Variants in SH3KBP1 observed in about 807,000 individuals in gnomAD.
SH3KBP1 encodes the protein SH3 domain-containing kinase-binding protein 1.
SH3KBP1 carries 8 observed loss-of-function variants against 50.1 expected under a neutral mutation model. The ratio of observed to expected loss-of-function variants is 0.16; its 90% CI spans 0.09 to 0.29. The LOEUF is 0.29. SH3KBP1 is among the 10% of genes least tolerant of loss of function. SH3KBP1 has a pLI of 1.00. For missense variants in SH3KBP1, 377 were observed against 535.2 expected (o/e 0.70, Z 2.92); for synonymous variants, 227 against 218.6 (o/e 1.04, Z -0.34).
chrX:19,576,406 C>G (rs2066200284), intron 12 of SH3KBP1, among the ~76,000 whole-genome samples: 1 of 111,008 alleles, frequency 9.0e-6, no homozygotes, highest in Non-Finnish European at 1.9e-5. Context: ...TACTGAATGC[C>G]TACCATGTGC....
At chrX:19,697,849 A>G (rs1036220517) in intron 4 of SH3KBP1, among the ~76,000 whole-genome samples, 5 of 112,118 alleles carry the variant, frequency 4.5e-5, no homozygotes, top group African/African-American at 1.6e-4. Flanking sequence ...ATAAGTTTAG[A>G]GCATTTATAA....
intron 2 of SH3KBP1, among the ~76,000 whole-genome samples, chrX:19,770,704 TA>T (rs1262026569): frequency 3.6e-5 from 4 of 109,798 alleles, no homozygotes; most frequent in African/African-American, 1.3e-4. Context: ...ACCAGCATGT[TA>T]TTTTTTTTTT....
chrX:19,781,684 G>A (rs1030969001), intron 2 of SH3KBP1, among the ~76,000 whole-genome samples: 1 of 110,336 alleles, frequency 9.1e-6, no homozygotes, highest in South Asian at 3.9e-4. Flanking sequence ...GCAGACAGCA[G>A]GCAGTGAAGC....
chrX:19,600,095 C>CAAAA (rs1218369399), intron 9 of SH3KBP1, among the ~76,000 whole-genome samples: 13 of 27,388 alleles, frequency 4.7e-4, no homozygotes, highest in African/African-American at 1.1e-3. Context: ...GACTCCGTCT[C>CAAAA]AAAAAAAAAA....
At chrX:19,760,085 GAC>G (rs752186611) in intron 2 of SH3KBP1, among the ~76,000 whole-genome samples, 9 of 39,877 alleles carry the variant, frequency 2.3e-4, no homozygotes, top group Admixed American at 5.3e-4. Flanking sequence ...TCTCTCTCTC[GAC>G]ACACACACAC....
At chrX:19,609,062 C>T (rs984939603) in intron 8 of SH3KBP1, among the ~76,000 whole-genome samples, 6 of 112,889 alleles carry the variant, frequency 5.3e-5, no homozygotes, top group Admixed American at 9.3e-5. Context: ...GAAAGGACAA[C>T]GAGCAAAAAT....
intron 1 of SH3KBP1, among the ~76,000 whole-genome samples, chrX:19,858,962 G>A (rs746907010): frequency 8.9e-6 from 1 of 111,766 alleles, no homozygotes; most frequent in Non-Finnish European, 1.9e-5. Context: ...TTTCCAACTG[G>A]AAAGGGACAA....
chrX:19,596,767 G>A (rs1004407284), intron 9 of SH3KBP1, among the ~76,000 whole-genome samples: 8 of 111,905 alleles, frequency 7.1e-5, no homozygotes, highest in Admixed American at 3.8e-4. Flanking sequence ...CACTGTCTTC[G>A]CTCATCCATA....
chrX:19,651,906 T>C (rs753973556), intron 6 of SH3KBP1, among the ~76,000 whole-genome samples: 10 of 112,176 alleles, frequency 8.9e-5, no homozygotes, highest in Non-Finnish European at 1.9e-4. Context: ...ACTACCTTTC[T>C]TGCCCTTTTC....
At chrX:19,816,831 A>T (rs1246456533) in intron 2 of SH3KBP1, among the ~76,000 whole-genome samples, 2 of 111,525 alleles carry the variant, frequency 1.8e-5, no homozygotes, top group Non-Finnish European at 3.8e-5. Flanking sequence ...TATGATATCT[A>T]AGAACTCTTC....
intron 3 of SH3KBP1, chrX:19,707,218 G>A (rs2063670592): frequency 6.3e-6 from 3 of 474,199 alleles, no homozygotes; most frequent in East Asian, 3.9e-5. Flanking sequence ...ATGAGAAACC[G>A]ATCCATTGGT....
intron 13 of SH3KBP1, among the ~76,000 whole-genome samples, chrX:19,552,861 G>C (rs1302838372): frequency 9.1e-6 from 1 of 109,576 alleles, no homozygotes; most frequent in Non-Finnish European, 1.9e-5. Context: ...GGGGGCTGAG[G>C]GGAGGGAAGG....
chrX:19,579,393 C>T (rs1487474136), intron 12 of SH3KBP1, among the ~76,000 whole-genome samples: 1 of 112,044 alleles, frequency 8.9e-6, no homozygotes, highest in Non-Finnish European at 1.9e-5. Flanking sequence ...GCTGAGCCCC[C>T]ATCTTGGGCA....
intron 7 of SH3KBP1, among the ~76,000 whole-genome samples, chrX:19,640,879 T>C: frequency 9.0e-6 from 1 of 111,506 alleles, no homozygotes; most frequent in East Asian, 2.8e-4. Flanking sequence ...ATTGGTTGCT[T>C]TCCACAACCA....
chrX:19,884,640 C>T (rs889902695), intron 1 of SH3KBP1, among the ~76,000 whole-genome samples: 2 of 112,610 alleles, frequency 1.8e-5, no homozygotes, highest in African/African-American at 3.2e-5. Flanking sequence ...AGCAGTCTAC[C>T]GCCAATACAA....
chrX:19,872,157 C>T (rs1191806193), intron 1 of SH3KBP1, among the ~76,000 whole-genome samples: 1 of 101,072 alleles, frequency 9.9e-6, no homozygotes, highest in Non-Finnish European at 2.0e-5. Flanking sequence ...GAGGCTGAGG[C>T]GGGAGAATCG....
At chrX:19,844,737 C>T (rs1017107623) in intron 1 of SH3KBP1, among the ~76,000 whole-genome samples, 7 of 111,896 alleles carry the variant, frequency 6.3e-5, no homozygotes, top group South Asian at 3.7e-4. Flanking sequence ...GGTTATCAAA[C>T]GCTTCCTGAA....
At chrX:19,707,820 G>A (rs1305317316) in intron 3 of SH3KBP1, among the ~76,000 whole-genome samples, 1 of 100,616 alleles carries the variant, frequency 9.9e-6, no homozygotes, top group Non-Finnish European at 2.0e-5. Context: ...ACGTGTATGG[G>A]GGTGAGGGTG....
chrX:19,695,119 G>A, intron 5 of SH3KBP1: 2 of 950,836 alleles, frequency 2.1e-6, no homozygotes, highest in Non-Finnish European at 3.0e-6. Context: ...ACCACCCAAG[G>A]TGGGACCTGG....
Sources: gnomAD v4.1 joint callset for allele counts (sites outside exome capture counted in the v4.1 genomes callset) on GRCh38, gnomAD v4.1.1 for gene constraint, MANE v1.5 for transcripts, NCBI Gene and HGNC (gene_info 2026-07-23, HGNC 2026-07-21) for gene names.